Variants in RASSF3 observed in about 807,000 individuals in gnomAD.
RASSF3 encodes the protein ras association domain-containing protein 3.
In RASSF3, 19 loss-of-function variants were observed where a neutral mutation model predicts 19.9. That is an observed-to-expected ratio of 0.96 (90% CI 0.67 to 1.40). The LOEUF (loss-of-function observed/expected upper bound fraction) is 1.40, where lower values mean the gene tolerates loss of function less well. Among genes scored for constraint, RASSF3 ranks in the 40% most tolerant of loss-of-function variants. The pLI is 0.00. For synonymous variants in RASSF3, 110 were observed against 104.2 expected (o/e 1.06, Z -0.34); for missense variants, 306 against 289.8 (o/e 1.06, Z -0.41).
intron 2 of RASSF3, among the ~76,000 whole-genome samples, chr12:64,558,292 C>T (rs1869286762): frequency 6.6e-6 from 1 of 152,152 alleles, no homozygotes; most frequent in Admixed American, 6.5e-5. Context: ...TGTGGAGTGG[C>T]TGATGATGAA....
chr12:64,685,324 C>T (rs1873305777), intron 2 of RASSF3, among the ~76,000 whole-genome samples: 2 of 152,148 alleles, frequency 1.3e-5, no homozygotes, highest in Non-Finnish European at 2.9e-5. Context: ...CCGCTCACTG[C>T]AGCCTCGACC....
At chr12:64,568,673 C>G (rs1480419409) in intron 2 of RASSF3, among the ~76,000 whole-genome samples, 1 of 151,980 alleles carries the variant, frequency 6.6e-6, no homozygotes, top group African/African-American at 2.4e-5. Context: ...CATTCACCCA[C>G]CAACCCCAGC....
chr12:64,549,245 T>C (rs775145230), intron 2 of RASSF3, among the ~76,000 whole-genome samples: 1 of 152,126 alleles, frequency 6.6e-6, no homozygotes, highest in Non-Finnish European at 1.5e-5. Flanking sequence ...GGTGCAGTGG[T>C]TCTGGCCTAT....
chr12:64,532,219 C>T (rs896412153), upstream of RASSF3, among the ~76,000 whole-genome samples: 3 of 152,216 alleles, frequency 2.0e-5, no homozygotes, highest in African/African-American at 7.2e-5. Flanking sequence ...AAATAGAAAA[C>T]AGCCCTATTT....
At chr12:64,569,836 A>G (rs555385238) in intron 2 of RASSF3, among the ~76,000 whole-genome samples, 1 of 152,260 alleles carries the variant, frequency 6.6e-6, no homozygotes, top group African/African-American at 2.4e-5. Flanking sequence ...ATGGTGGCGC[A>G]TGCCTGTAAT....
chr12:64,675,054 C>CT (rs1315176717), intron 1 of RASSF3, among the ~76,000 whole-genome samples: 1 of 107,268 alleles, frequency 9.3e-6, no homozygotes, highest in African/African-American at 3.5e-5. Context: ...AGCCCCCCCC[C>CT]CCCCCGCCAC....
chr12:64,539,551 G>A (rs1471274552), intron 1 of RASSF3, among the ~76,000 whole-genome samples: 1 of 152,086 alleles, frequency 6.6e-6, no homozygotes, highest in Non-Finnish European at 1.5e-5. Flanking sequence ...CCAAGGGGGC[G>A]GATCACTTGA....
chr12:64,509,555 T>C (rs1473260063), intron 1 of RASSF3, among the ~76,000 whole-genome samples: 7 of 152,222 alleles, frequency 4.6e-5, no homozygotes, highest in South Asian at 2.1e-4. Flanking sequence ...GATTATCTAA[T>C]TCTTGGTCTG....
In RASSF3 at chr12:64,695,189, C is replaced by A; in HGVS notation, c.*277C>A. On this transcript the variant is annotated 3_prime_UTR_variant, in exon 5 of 5. Coordinates refer to ENST00000542104, the MANE Select transcript of RASSF3 (RefSeq NM_178169.4). ...AGGAGCATTCGAGGGTGCTTGGAAGCATGAACTCTGGGGGTGTTTTTTTTT... is the reference window on the plus strand; with the variant it reads ...AGGAGCATTCGAGGGTGCTTGGAAGAATGAACTCTGGGGGTGTTTTTTTTT... The A allele has an allele frequency of 3.0e-6, 1 of 330,138 alleles. No individual in the cohort carries two copies. 20.5% of individuals were successfully genotyped at this position (330,138 alleles called of 1,614,324 possible).
At chr12:64,624,015 A>G (rs1025936186) in intron 1 of RASSF3, among the ~76,000 whole-genome samples, 2 of 151,904 alleles carry the variant, frequency 1.3e-5, no homozygotes, top group Non-Finnish European at 2.9e-5. Context: ...GAAACTGTCA[A>G]TTAGCATGAA....
chr12:64,652,349 G>C (rs1262736762), intron 1 of RASSF3, among the ~76,000 whole-genome samples: 1 of 151,982 alleles, frequency 6.6e-6, no homozygotes, highest in African/African-American at 2.4e-5. Flanking sequence ...GGCCATCGCA[G>C]GTGTTTGGGC....
intron 2 of RASSF3, among the ~76,000 whole-genome samples, chr12:64,548,624 A>G (rs1433793343): frequency 1.3e-5 from 2 of 152,164 alleles, no homozygotes; most frequent in African/African-American, 2.4e-5. Flanking sequence ...ATCGGTCAAG[A>G]GTTTTAATAG....
chr12:64,557,295 G>T (rs990515119), intron 2 of RASSF3, among the ~76,000 whole-genome samples: 3 of 152,104 alleles, frequency 2.0e-5, no homozygotes, highest in Non-Finnish European at 2.9e-5. Flanking sequence ...TCCATACACA[G>T]TTACAGTGGG....
intron 2 of RASSF3, among the ~76,000 whole-genome samples, chr12:64,559,719 T>A (rs1191992096): frequency 6.6e-6 from 1 of 152,188 alleles, no homozygotes; most frequent in Non-Finnish European, 1.5e-5. Context: ...TCCTCTGGGG[T>A]CCTTATCAGG....
At chr12:64,668,977 A>AT (rs1872613195) in intron 1 of RASSF3, among the ~76,000 whole-genome samples, 2 of 152,048 alleles carry the variant, frequency 1.3e-5, no homozygotes, top group African/African-American at 2.4e-5. Context: ...CCCAATTTTG[A>AT]TTTTTTAGGA....
chr12:64,576,004 C>A (rs1869590263), intron 2 of RASSF3, among the ~76,000 whole-genome samples: 1 of 151,932 alleles, frequency 6.6e-6, no homozygotes, highest in Non-Finnish European at 1.5e-5. Flanking sequence ...ATTCTCCTAC[C>A]TCAGCCTCCC....
intron 3 of RASSF3, 119 bp downstream of exon 3, chr12:64,688,572 G>A (rs751636734): frequency 4.0e-6 from 3 of 745,174 alleles, no homozygotes; most frequent in African/African-American, 1.7e-5. Context: ...CCTGGAGTCC[G>A]ATGCTGGAAG....
intron 1 of RASSF3, among the ~76,000 whole-genome samples, chr12:64,519,411 G>A (rs576271319): frequency 1.3e-5 from 2 of 150,902 alleles, no homozygotes; most frequent in Admixed American, 6.6e-5. Context: ...TCTCAAATAC[G>A]TATATATATA....
intron 1 of RASSF3, among the ~76,000 whole-genome samples, chr12:64,520,277 T>C (rs1345635316): frequency 6.6e-6 from 1 of 151,642 alleles, no homozygotes; most frequent in East Asian, 1.9e-4. Flanking sequence ...CAAGCGATTC[T>C]TCTGCCTCCC....
Sources: gnomAD v4.1 joint callset for allele counts (sites outside exome capture counted in the v4.1 genomes callset) on GRCh38, gnomAD v4.1.1 for gene constraint, MANE v1.5 for transcripts, NCBI Gene and HGNC (gene_info 2026-07-23, HGNC 2026-07-21) for gene names.